The following KLRF1 variants were observed in gnomAD, a reference collection of about 807,000 sequenced individuals.
The protein encoded by KLRF1 is killer cell lectin-like receptor subfamily F member 1.
KLRF1 carries 27 observed loss-of-function variants against 30.7 expected under a neutral mutation model. The ratio of observed to expected loss-of-function variants is 0.88; its 90% CI spans 0.65 to 1.21. The LOEUF (loss-of-function observed/expected upper bound fraction) is 1.21. KLRF1 is among the 50% of genes most tolerant of loss of function. KLRF1 has a pLI of 0.00. For missense variants in KLRF1, 246 were observed against 259.3 expected (o/e 0.95, Z 0.35); for synonymous variants, 92 against 89.3 (o/e 1.03, Z -0.17).
rs1867774085 is a variant in KLRF1, at chr12:9,844,661, T to A, written c.*135T>A. ...TCTCTTCTCCCTTCTCCCTCCATCA[T>A]CGACACTGGTCTAGCCTCAGAGTAA... On this transcript the variant is annotated 3_prime_UTR_variant, in exon 6 of 6. Transcript: ENST00000617889. The A allele has an allele frequency of 1.8e-6, 1 of 562,956 alleles. No homozygotes were observed. Among genetic ancestry groups the A allele is most frequent in the Non-Finnish European group, 3.2e-6 (1 of 312,440 alleles). The allele number at this position is 562,956 out of a possible 1,614,324, so 34.9% of individuals were successfully genotyped here.
intron 2 of KLRF1, among the ~76,000 whole-genome samples, chr12:9,832,969 A>T (rs772251814): frequency 1.1e-4 from 16 of 152,100 alleles, no homozygotes; most frequent in Non-Finnish European, 1.6e-4. Context: ...TGTTCTGACT[A>T]CAGTGTTGGA....
rs750805811 is a variant in KLRF1 at position 9,841,879 on chromosome 12, C to T, written c.402C>T (p.Ser134=). The T allele has an allele frequency of 6.2e-7, 1 of 1,610,274 alleles. No homozygotes were observed. Among genetic ancestry groups the T allele is most frequent in the Non-Finnish European group, 8.5e-7 (1 of 1,177,064 alleles). ...ATTGGTTCTCTAATGAGATGAAAAG[C>T]TGGAGTGACAGTTATGTGTATTGTT... The part of the protein sequence containing the change: ...KCYWFSNEMK[S]WSDSYVYCLE... The change falls in exon 4 of 6, where the codon AGC becomes AGT. Residue 134 remains serine, a synonymous_variant. Transcript: ENST00000617889.
intron 2 of KLRF1, 68 bp from the exon 3 acceptor site, chr12:9,833,235 T>C (rs1233455100): frequency 9.5e-7 from 1 of 1,050,462 alleles, no homozygotes; most frequent in Admixed American, 2.9e-5. Context: ...ATCATTCCAT[T>C]GAATGTGTCC....
the KLRF1 span, among the ~76,000 whole-genome samples, chr12:9,820,585 C>T: frequency 6.6e-6 from 1 of 152,168 alleles, no homozygotes; most frequent in African/African-American, 2.4e-5. Context: ...GAGCACCCAC[C>T]TCATGAATAA....
In KLRF1 at chr12:9,844,543, C is replaced by T. The variant is rs763349530; in HGVS notation, c.*17C>T. On this transcript the variant is annotated 3_prime_UTR_variant, in exon 6 of 6. Transcript: ENST00000617889. ...CAGTATTAGAGTTTGACAAAATTCA[C>T]AGTGAAATAATCAATGATCACTATT... 1 of 1,327,498 alleles carries T rather than the reference C, an allele frequency of 7.5e-7. No individual in the cohort carries two copies. Among genetic ancestry groups the T allele is most frequent in the Non-Finnish European group, 1.1e-6 (1 of 925,590 alleles). 82.2% of individuals were successfully genotyped at this position (1,327,498 alleles called of 1,614,324 possible).
chr12:9,801,699 G>T, the KLRF1 span, among the ~76,000 whole-genome samples: 1 of 151,860 alleles, frequency 6.6e-6, no homozygotes, highest in African/African-American at 2.4e-5. Flanking sequence ...GGGATTGTTT[G>T]TTTCGTTCTT....
At chr12:9,819,348 T>C in the KLRF1 span, among the ~76,000 whole-genome samples, 1 of 152,296 alleles carries the variant, frequency 6.6e-6, no homozygotes, top group East Asian at 1.9e-4. Flanking sequence ...TAAGACCCTC[T>C]GGCTTGGAAC....
chr12:9,840,785 A>G lies in KLRF1; in HGVS notation c.335-1027A>G, dbSNP rs1055818626. ...CACACCAGTCAGAATGGCTATTATTAAAAAGTCAAAGAATAACGTGCTGGT... is the reference window on the plus strand; with the variant it reads ...CACACCAGTCAGAATGGCTATTATTGAAAAGTCAAAGAATAACGTGCTGGT... On this transcript the variant is annotated intron_variant, in intron 3 of 5. Coordinates refer to ENST00000617889, the MANE Select transcript of KLRF1 (RefSeq NM_016523.3). 3.3e-5 allele frequency among the ~76,000 whole-genome samples: 5 copies of G among 152,208 alleles called. No individual in the cohort carries two copies. The East Asian group carries it at 9.7e-4, about 29-fold the overall frequency.
At chr12:9,816,010 G>T in the KLRF1 span, among the ~76,000 whole-genome samples, 1 of 152,190 alleles carries the variant, frequency 6.6e-6, no homozygotes, top group Admixed American at 6.5e-5. Context: ...TAGAGATGGG[G>T]TTTCTCCAGG....
intron 1 of KLRF1, 73 bp from the exon 2 acceptor site, chr12:9,832,240 CTAT>C: frequency 1.3e-6 from 1 of 776,592 alleles, no homozygotes; most frequent in Admixed American, 2.1e-5. Context: ...TTATACAATC[CTAT>C]TATTACAATT....
the KLRF1 span, among the ~76,000 whole-genome samples, chr12:9,820,635 TCTC>T: frequency 1.3e-5 from 2 of 152,072 alleles, no homozygotes; most frequent in Non-Finnish European, 2.9e-5. Flanking sequence ...GGACCTCACT[TCTC>T]CTCCCTGGGC....
chr12:9,835,044 G>A (rs1022703184), intron 3 of KLRF1, among the ~76,000 whole-genome samples: 3 of 152,072 alleles, frequency 2.0e-5, no homozygotes, highest in African/African-American at 7.2e-5. Flanking sequence ...TTCCAGTACC[G>A]AGAGCAATAG....
upstream of KLRF1, among the ~76,000 whole-genome samples, chr12:9,823,713 G>GA (rs372874302): frequency 1.4e-3 from 193 of 140,960 alleles, 1 homozygote; most frequent in African/African-American, 2.9e-3. Context: ...TGGTTTTTTG[G>GA]AAAAAAAAAA....
chr12:9,826,200 A>G (rs1438628115), upstream of KLRF1, among the ~76,000 whole-genome samples: 3 of 152,098 alleles, frequency 2.0e-5, no homozygotes, highest in South Asian at 6.2e-4. Flanking sequence ...TTTGCTGTAA[A>G]GATTATTTCT....
At chr12:9,814,216 C>G in the KLRF1 span, among the ~76,000 whole-genome samples, 2 of 152,178 alleles carry the variant, frequency 1.3e-5, no homozygotes, top group South Asian at 2.1e-4. Context: ...GGAGCCAAAA[C>G]GCAAGCTCCC....
the KLRF1 span, among the ~76,000 whole-genome samples, chr12:9,804,487 T>C: frequency 1.7e-3 from 256 of 152,150 alleles, no homozygotes; most frequent in Non-Finnish European, 2.8e-3. Context: ...GTGCGATTAG[T>C]GTAATATCTA....
At chr12:9,805,787 T>C in the KLRF1 span, among the ~76,000 whole-genome samples, 1 of 152,070 alleles carries the variant, frequency 6.6e-6, no homozygotes, top group Non-Finnish European at 1.5e-5. Flanking sequence ...ATTTAAGTAA[T>C]CTAATTTGTA....
the KLRF1 span, among the ~76,000 whole-genome samples, chr12:9,813,541 G>A: frequency 6.6e-6 from 1 of 151,860 alleles, no homozygotes. Context: ...TTCATGATAC[G>A]GAGGAAGAAA....
At chr12:9,823,224 C>A (rs1316148637), upstream of KLRF1, among the ~76,000 whole-genome samples, 111 of 138,946 alleles carry the variant, frequency 8.0e-4, no homozygotes, top group South Asian at 1.5e-3. Flanking sequence ...TTAGCAAATG[C>A]AAAAAAAAAA....
Sources: allele counts gnomAD v4.1 joint callset (sites outside exome capture counted in the v4.1 genomes callset), GRCh38; gene constraint gnomAD v4.1.1; transcripts MANE v1.5; gene names NCBI Gene and HGNC (gene_info 2026-07-23, HGNC 2026-07-21).